Variants in USP15 observed in about 807,000 individuals in gnomAD.
The protein encoded by USP15 is ubiquitin specific peptidase 15.
A neutral mutation model predicts 127.1 loss-of-function variants in USP15; 18 were observed. The observed-to-expected ratio is 0.14, with a 90% CI of 0.10 to 0.21. The LOEUF (loss-of-function observed/expected upper bound fraction) is 0.21. Ranked by LOEUF, USP15 falls within the 10% of genes least tolerant of loss-of-function variation. The pLI, the probability that USP15 is intolerant of heterozygous loss-of-function variation, is 1.00. For synonymous variants in USP15, 364 were observed against 393.7 expected, an observed-to-expected ratio of 0.92 and a Z score of 0.89; for missense variants, 805 against 1,159.9, an observed-to-expected ratio of 0.69 and a Z score of 4.44.
chr12:62,306,150 ACT>A (rs979579321), intron 3 of USP15: 1 of 151,896 alleles, frequency 6.6e-6, no homozygotes, highest in Non-Finnish European at 1.5e-5. Context: ...CTCATGAGAA[ACT>A]CTACACCAAA....
At chr12:62,358,906 G>A (rs10877829) in intron 8 of USP15, among the ~76,000 whole-genome samples, 50,028 of 151,876 alleles carry the variant, frequency 0.33, 8,735 homozygotes, top group African/African-American at 0.45. Flanking sequence ...TTGAGCATCT[G>A]TGGATTTTGG....
At chr12:62,303,047 A>C (rs1264090754) in intron 3 of USP15, 127 bp downstream of exon 3, 6 of 1,058,736 alleles carry the variant, frequency 5.7e-6, no homozygotes, top group African/African-American at 1.6e-5. Context: ...ATAACCGTAC[A>C]CTGTGTTACA....
intron 8 of USP15, among the ~76,000 whole-genome samples, chr12:62,357,907 A>C (rs1290675461): frequency 6.6e-6 from 1 of 152,148 alleles, no homozygotes; most frequent in East Asian, 1.9e-4. Flanking sequence ...AGATCCAAAA[A>C]TAAAAAGGGT....
At position 62,407,651 on chromosome 12, in the gene USP15, C is replaced by G. The variant is rs1024862349; in HGVS notation, c.*3276C>G. On this transcript the variant is annotated 3_prime_UTR_variant, in exon 22 of 22. Coordinates refer to ENST00000280377, the MANE Select transcript of USP15 (RefSeq NM_001252078.2). ...ATGTGACATTTTTTTCTTACCTTTT[C>G]ATCTAACTTGTGTCCCCTTCTTTCC... 1.3e-5 allele frequency: 2 copies of G among 151,940 alleles called. No individual in the cohort carries two copies. Among genetic ancestry groups the G allele is most frequent in the African/African-American group, 4.8e-5 (2 of 41,382 alleles). 9.4% of individuals were successfully genotyped at this position (151,940 alleles called of 1,614,324 possible). A position where few individuals can be genotyped will look rare whatever the true frequency, so the allele number is the denominator to read the frequency against.
intron 8 of USP15, among the ~76,000 whole-genome samples, chr12:62,376,626 A>C (rs2066838069): frequency 2.0e-5 from 3 of 152,194 alleles, no homozygotes; most frequent in Admixed American, 2.0e-4. Flanking sequence ...AGCCACAAAA[A>C]TAACATACTA....
At chr12:62,378,130 T>C (rs937457822) in intron 8 of USP15, among the ~76,000 whole-genome samples, 6 of 151,888 alleles carry the variant, frequency 4.0e-5, no homozygotes, top group African/African-American at 1.5e-4. Context: ...TCGCTTGAAC[T>C]CGGGAGGTGG....
chr12:62,347,209 G>T (rs1010774653), intron 6 of USP15, among the ~76,000 whole-genome samples: 3 of 151,346 alleles, frequency 2.0e-5, no homozygotes, highest in Non-Finnish European at 4.4e-5. Flanking sequence ...TAATTCCATG[G>T]TATTTCATTT....
chr12:62,391,456 A>G (rs781327580), intron 16 of USP15, 27 bp downstream of exon 16: 7 of 1,581,638 alleles, frequency 4.4e-6, no homozygotes, highest in East Asian at 2.3e-5. Context: ...AATGGCTTGA[A>G]CATTAAACAA....
At chr12:62,385,823 G>A (rs1323283713) in intron 11 of USP15, among the ~76,000 whole-genome samples, 2 of 152,016 alleles carry the variant, frequency 1.3e-5, no homozygotes, top group African/African-American at 4.8e-5. Context: ...ATACACCAAT[G>A]AGTGTAATGG....
At chr12:62,286,240 A>G (rs2063781328) in intron 1 of USP15, among the ~76,000 whole-genome samples, 1 of 152,206 alleles carries the variant, frequency 6.6e-6, no homozygotes, top group Non-Finnish European at 1.5e-5. Context: ...AGAATTCTCC[A>G]AAGAACACAT....
intron 11 of USP15, among the ~76,000 whole-genome samples, chr12:62,387,813 A>T (rs188370124): frequency 6.6e-6 from 1 of 152,176 alleles, no homozygotes; most frequent in Non-Finnish European, 1.5e-5. Flanking sequence ...TTATATTCCA[A>T]TGCTTATGCA....
chr12:62,318,615 A>G (rs991439119), intron 4 of USP15, among the ~76,000 whole-genome samples: 1 of 151,786 alleles, frequency 6.6e-6, no homozygotes, highest in Non-Finnish European at 1.5e-5. Context: ...AATATTTTCC[A>G]TGTGTTGATA....
intron 6 of USP15, among the ~76,000 whole-genome samples, chr12:62,345,737 G>A (rs1017890239): frequency 7.9e-5 from 12 of 152,090 alleles, no homozygotes; most frequent in African/African-American, 2.2e-4. Context: ...ACAGTTCCAC[G>A]TTTCTGGGGT....
At chr12:62,303,108 T>G in intron 3 of USP15, 188 bp downstream of exon 3, 1 of 535,610 alleles carries the variant, frequency 1.9e-6, no homozygotes, top group Non-Finnish European at 3.2e-6. Flanking sequence ...GCCACTATTG[T>G]AAGTATGTAT....
chr12:62,384,657 A>C (rs1267349078), intron 11 of USP15, among the ~76,000 whole-genome samples: 2 of 151,404 alleles, frequency 1.3e-5, no homozygotes, highest in African/African-American at 4.8e-5. Flanking sequence ...TTTTTTTACT[A>C]GTGGCTATTG....
chr12:62,371,996 C>T (rs2066687113), intron 8 of USP15, among the ~76,000 whole-genome samples: 1 of 151,948 alleles, frequency 6.6e-6, no homozygotes, highest in African/African-American at 2.4e-5. Flanking sequence ...AGAGCTGTTG[C>T]AAGAATTAGT....
intron 1 of USP15, chr12:62,277,485 A>G (rs2063527125): frequency 6.6e-6 from 1 of 152,098 alleles, no homozygotes; most frequent in Non-Finnish European, 1.5e-5. Flanking sequence ...ATGGCATATA[A>G]AAGATTTTTT....
At chr12:62,350,425 G>T (rs1428734495) in intron 7 of USP15, among the ~76,000 whole-genome samples, 1 of 151,982 alleles carries the variant, frequency 6.6e-6, no homozygotes, top group East Asian at 1.9e-4. Flanking sequence ...GAGAAAATTG[G>T]CTCATATCTG....
chr12:62,283,947 A>C (rs2063723803), intron 1 of USP15, among the ~76,000 whole-genome samples: 1 of 151,758 alleles, frequency 6.6e-6, no homozygotes. Flanking sequence ...ATCTCCAAAA[A>C]ACAAACAACA....
Sources: allele counts gnomAD v4.1 joint callset (sites outside exome capture counted in the v4.1 genomes callset), GRCh38; gene constraint gnomAD v4.1.1; transcripts MANE v1.5; gene names NCBI Gene and HGNC (gene_info 2026-07-23, HGNC 2026-07-21).